Variants in ARHGEF28 observed in about 807,000 individuals in gnomAD.
ARHGEF28 encodes the protein 190 kDa guanine nucleotide exchange factor.
A neutral mutation model predicts 206.6 loss-of-function variants in ARHGEF28; 152 were observed. The observed-to-expected ratio is 0.74, with a 90% CI of 0.64 to 0.84. The LOEUF is 0.84. Among genes scored for constraint, ARHGEF28 ranks in the 40% least tolerant of loss-of-function variants. ARHGEF28 has a pLI of 0.00. For synonymous variants in ARHGEF28, 763 were observed against 776.4 expected (o/e 0.98, Z 0.29); for missense variants, 2,028 against 2,073.2 (o/e 0.98, Z 0.42).
intron 9 of ARHGEF28, among the ~76,000 whole-genome samples, chr5:73,814,993 A>G (rs749031062): frequency 6.6e-6 from 1 of 152,188 alleles, no homozygotes; most frequent in Non-Finnish European, 1.5e-5. Flanking sequence ...CAATTTTAAG[A>G]CATTAAAATT....
intron 9 of ARHGEF28, among the ~76,000 whole-genome samples, chr5:73,830,314 G>A (rs866207058): frequency 2.3e-4 from 35 of 152,144 alleles, no homozygotes; most frequent in Admixed American, 1.3e-4. Context: ...AGCACTTTGG[G>A]AGGCCGAGGC....
rs895100434 is a variant in ARHGEF28, at chr5:73,706,348, CAACAACAACAAA to C, written c.33+21480_33+21491del. On this transcript the variant is annotated intron_variant, in intron 2 of 35. Coordinates refer to ENST00000513042, the MANE Select transcript of ARHGEF28 (RefSeq NM_001177693.2). The stretch of plus-strand genomic sequence containing the variant: ...GACAGAGCAAGACTCTGTCTCAAAA[CAACAACAACAAA>C]AACAACAACAAAAACCAGAAACAAA... 3.9e-4 allele frequency among the ~76,000 whole-genome samples: 60 copies of C among 152,024 alleles called. No homozygotes were observed. In the Middle Eastern group the frequency reaches 0.01, roughly 26 times the overall value.
intron 4 of ARHGEF28, among the ~76,000 whole-genome samples, chr5:73,756,212 A>T (rs868757364): frequency 6.6e-6 from 1 of 152,220 alleles, no homozygotes; most frequent in African/African-American, 2.4e-5. Flanking sequence ...GTATCTAAAC[A>T]TATTAAGTTT....
chr5:73,878,680 A>G (rs1187826024), intron 22 of ARHGEF28, among the ~76,000 whole-genome samples: 2 of 150,554 alleles, frequency 1.3e-5, no homozygotes, highest in African/African-American at 4.9e-5. Context: ...TCCTTCACTT[A>G]TGAAGCTTAG....
At chr5:73,850,075 C>A (rs1447312438) in intron 13 of ARHGEF28, among the ~76,000 whole-genome samples, 1 of 150,696 alleles carries the variant, frequency 6.6e-6, no homozygotes, top group Non-Finnish European at 1.5e-5. Context: ...CTTATTCTTG[C>A]TTATTAAATT....
chr5:73,742,830 CAA>C (rs373495344), intron 2 of ARHGEF28, among the ~76,000 whole-genome samples: 15 of 56,472 alleles, frequency 2.7e-4, no homozygotes, highest in African/African-American at 7.7e-4. Flanking sequence ...GACTCCGTCT[CAA>C]AAAAAAAAAA....
intron 1 of ARHGEF28, among the ~76,000 whole-genome samples, chr5:73,648,623 T>C (rs1178259672): frequency 6.6e-6 from 1 of 152,228 alleles, no homozygotes; most frequent in Non-Finnish European, 1.5e-5. Flanking sequence ...AGTTACAGGC[T>C]GTTTCTGTCT....
At chr5:73,758,183 C>T (rs1752415036) in intron 4 of ARHGEF28, among the ~76,000 whole-genome samples, 2 of 152,104 alleles carry the variant, frequency 1.3e-5, no homozygotes, top group African/African-American at 2.4e-5. Context: ...CAGATGGCAT[C>T]GTTCCTGTGA....
chr5:73,939,578 C>T (rs940324810), intron 35 of ARHGEF28, among the ~76,000 whole-genome samples: 3 of 152,196 alleles, frequency 2.0e-5, no homozygotes, highest in East Asian at 1.9e-4. Flanking sequence ...GGACCTTCAT[C>T]GGCTCCTGTG....
Position 73,940,765 on chromosome 5 carries a change from TAGAG to T in ARHGEF28, c.4949-76_4949-73del, listed in dbSNP as rs1742557182. On this transcript the variant is annotated intron_variant, in intron 35 of 35. Transcript: ENST00000513042. ...ATATGGGCACTGCATTTCCTAATCT[TAGAG>T]AGCTCTAACGCCAAGACATCTGCCT... is the stretch of plus-strand genomic sequence containing the variant. 2.4e-6 allele frequency: 3 copies of T among 1,257,238 alleles called. No homozygotes were observed. The South Asian group carries it at 7.5e-5, about 31-fold the overall frequency. The allele number at this position is 1,257,238 out of a possible 1,614,324, so 77.9% of individuals were successfully genotyped here.
At chr5:73,910,146 C>T (rs1762805307) in intron 34 of ARHGEF28, among the ~76,000 whole-genome samples, 3 of 151,992 alleles carry the variant, frequency 2.0e-5, no homozygotes, top group East Asian at 3.9e-4. Flanking sequence ...TTTGGGAGGC[C>T]GAGGCGGGAA....
intron 11 of ARHGEF28, among the ~76,000 whole-genome samples, chr5:73,841,743 AAC>A (rs1758004430): frequency 6.6e-6 from 1 of 151,648 alleles, no homozygotes; most frequent in Non-Finnish European, 1.5e-5. Flanking sequence ...GAAAAAGAAA[AAC>A]AAAATAATGA....
chr5:73,862,066 G>A (rs998646989), intron 16 of ARHGEF28, among the ~76,000 whole-genome samples: 5 of 152,094 alleles, frequency 3.3e-5, no homozygotes, highest in Non-Finnish European at 7.4e-5. Flanking sequence ...TATTGTGTAA[G>A]TATTCAAAAT....
rs144520601 is a variant in ARHGEF28, at chr5:73,689,779, CAA to C, written c.33+4906_33+4907del. ...TTATTCCAAGGAGAAAAAGAAAAAACAAAAAAAAAAAACACCAGAGGCCTGCA... is the reference window on the plus strand; with the variant it reads ...TTATTCCAAGGAGAAAAAGAAAAAACAAAAAAAAAACACCAGAGGCCTGCA... On this transcript the variant is annotated intron_variant, in intron 2 of 35. Coordinates refer to ENST00000513042, the MANE Select transcript of ARHGEF28 (RefSeq NM_001177693.2). Among the ~76,000 whole-genome samples, 848 of 140,324 alleles carry C rather than the reference CAA, an allele frequency of 6.0e-3. 10 individuals carry two copies. The highest frequency in any genetic ancestry group is 0.02 in the African/African-American group (785 of 39,492). The allele number at this position is 140,324 out of a possible 152,430, so 92.1% of individuals were successfully genotyped here.
intron 2 of ARHGEF28, among the ~76,000 whole-genome samples, chr5:73,739,629 T>C (rs1751239082): frequency 6.6e-6 from 1 of 151,258 alleles, no homozygotes; most frequent in South Asian, 2.1e-4. Flanking sequence ...GACCAGCCTG[T>C]GCAACAGGTG....
intron 35 of ARHGEF28, among the ~76,000 whole-genome samples, chr5:73,913,589 A>G (rs1462361771): frequency 6.6e-6 from 1 of 152,172 alleles, no homozygotes; most frequent in Non-Finnish European, 1.5e-5. Flanking sequence ...CTTGGGGGAC[A>G]GTGACTGCGG....
Position 73,832,323 on chromosome 5 carries a change from A to T in ARHGEF28, c.1025-15A>T. 8.1e-6 allele frequency: 13 copies of T among 1,611,890 alleles called. No individual in the cohort carries two copies. Among genetic ancestry groups the T allele is most frequent in the Non-Finnish European group, 1.1e-5 (13 of 1,178,774 alleles). ...CTTCTCCTTTATTTGCCCTGTTTTCATTTTTGTACTCTAGATCGCTCCTTC... is the reference window on the plus strand; with the variant it reads ...CTTCTCCTTTATTTGCCCTGTTTTCTTTTTTGTACTCTAGATCGCTCCTTC... On this transcript the variant is annotated splice_polypyrimidine_tract_variant and intron_variant, in intron 9 of 35. Transcript: ENST00000513042.
intron 29 of ARHGEF28, among the ~76,000 whole-genome samples, 165 bp from the exon 30 acceptor site, chr5:73,897,797 C>T (rs1054789848): frequency 6.6e-6 from 1 of 152,208 alleles, no homozygotes; most frequent in Non-Finnish European, 1.5e-5. Flanking sequence ...CGTGCGTAGG[C>T]ACATGCCCAT....
At chr5:73,790,439 T>C (rs928403794) in intron 7 of ARHGEF28, among the ~76,000 whole-genome samples, 3 of 152,198 alleles carry the variant, frequency 2.0e-5, no homozygotes, top group African/African-American at 7.2e-5. Context: ...AAAAATGATA[T>C]GCCAAGGAGC....
Sources: gnomAD v4.1 joint callset for allele counts (sites outside exome capture counted in the v4.1 genomes callset) on GRCh38, gnomAD v4.1.1 for gene constraint, MANE v1.5 for transcripts, NCBI Gene and HGNC (gene_info 2026-07-23, HGNC 2026-07-21) for gene names.